The following OSBPL8 variants were observed in gnomAD, a reference collection of about 807,000 sequenced individuals.
OSBPL8 encodes oxysterol-binding protein-related protein 8.
OSBPL8 carries 59 observed loss-of-function variants against 125.5 expected under a neutral mutation model. That is an observed-to-expected ratio of 0.47 (90% CI 0.38 to 0.58). The LOEUF (loss-of-function observed/expected upper bound fraction) is 0.58. Among genes scored for constraint, OSBPL8 ranks in the 20% least tolerant of loss-of-function variants. The pLI is 0.00. For synonymous variants in OSBPL8, 330 were observed against 338.9 expected, an observed-to-expected ratio of 0.97 and a Z score of 0.29; for missense variants, 758 against 1,047.8, an observed-to-expected ratio of 0.72 and a Z score of 3.82.
chr12:76,417,456 A>C (rs975557721), intron 4 of OSBPL8, among the ~76,000 whole-genome samples: 1 of 152,138 alleles, frequency 6.6e-6, no homozygotes, highest in African/African-American at 2.4e-5. Flanking sequence ...AAGACTTTTT[A>C]TCCTATTTTG....
chr12:76,437,621 T>G (rs187087804), intron 4 of OSBPL8, among the ~76,000 whole-genome samples: 26 of 152,300 alleles, frequency 1.7e-4, no homozygotes, highest in African/African-American at 6.3e-4. Flanking sequence ...CAAGAGTATC[T>G]TGACTCTTCT....
At chr12:76,361,882 T>C (rs1952222055) in intron 21 of OSBPL8, among the ~76,000 whole-genome samples, 2 of 152,120 alleles carry the variant, frequency 1.3e-5, no homozygotes, top group Admixed American at 6.6e-5. Flanking sequence ...AAGATGAGAT[T>C]TGGATGGGAA....
chr12:76,359,682 T>C (rs57970300), intron 21 of OSBPL8, among the ~76,000 whole-genome samples: 6,605 of 152,218 alleles, frequency 0.043, 512 homozygotes, highest in African/African-American at 0.15. Context: ...TCATGGCAGA[T>C]GGCAAAAGGC....
intron 2 of OSBPL8, among the ~76,000 whole-genome samples, chr12:76,461,791 G>A (rs180841515): frequency 2.5e-3 from 379 of 152,260 alleles, no homozygotes; most frequent in Admixed American, 4.6e-3. Flanking sequence ...TATCCTGACT[G>A]CAACCACATG....
intron 4 of OSBPL8, 27 bp downstream of exon 4, chr12:76,450,824 C>T (rs896187945): frequency 1.9e-6 from 3 of 1,572,606 alleles, no homozygotes; most frequent in East Asian, 2.3e-5. Flanking sequence ...AAAAACAAGA[C>T]AAAACATGAA....
chr12:76,439,176 C>T (rs565980535), intron 4 of OSBPL8, among the ~76,000 whole-genome samples: 28 of 152,054 alleles, frequency 1.8e-4, no homozygotes, highest in African/African-American at 5.3e-4. Context: ...GTCAGGAGTT[C>T]GACACCAGCC....
chr12:76,498,461 T>C (rs1285818870), intron 1 of OSBPL8, among the ~76,000 whole-genome samples: 2 of 152,232 alleles, frequency 1.3e-5, no homozygotes, highest in East Asian at 1.9e-4. Flanking sequence ...CACACCATGT[T>C]TGCATCTGTA....
At chr12:76,493,573 T>C (rs1592784242) in intron 1 of OSBPL8, among the ~76,000 whole-genome samples, 1 of 152,194 alleles carries the variant, frequency 6.6e-6, no homozygotes, top group Non-Finnish European at 1.5e-5. Context: ...ACCTGCAAAG[T>C]TTCTGCTGAC....
intron 1 of OSBPL8, among the ~76,000 whole-genome samples, chr12:76,527,718 C>CA (rs1316406322): frequency 6.6e-6 from 1 of 152,082 alleles, no homozygotes; most frequent in Non-Finnish European, 1.5e-5. Flanking sequence ...GAAATGCCTA[C>CA]AAAAAACATT....
chr12:76,547,582 T>C (rs1336350370), intron 1 of OSBPL8, among the ~76,000 whole-genome samples: 2 of 151,818 alleles, frequency 1.3e-5, no homozygotes, highest in Non-Finnish European at 2.9e-5. Flanking sequence ...GGAAAAGCAA[T>C]GGAGGAAAAA....
chr12:76,361,933 G>A (rs1304036397), intron 21 of OSBPL8, among the ~76,000 whole-genome samples: 1 of 152,162 alleles, frequency 6.6e-6, no homozygotes, highest in East Asian at 1.9e-4. Context: ...TTCATGCTTG[G>A]AAAAACAGAG....
chr12:76,486,661 C>G (rs1202572262), intron 2 of OSBPL8, among the ~76,000 whole-genome samples: 2 of 152,164 alleles, frequency 1.3e-5, no homozygotes, highest in African/African-American at 4.8e-5. Flanking sequence ...ACTTTTCCTG[C>G]TACCCACTAC....
intron 1 of OSBPL8, among the ~76,000 whole-genome samples, chr12:76,500,739 T>C (rs928049319): frequency 6.6e-6 from 1 of 152,170 alleles, no homozygotes; most frequent in Admixed American, 6.5e-5. Context: ...TTTTCTTTTT[T>C]CTTATGACCA....
intron 3 of OSBPL8, among the ~76,000 whole-genome samples, chr12:76,455,019 G>A (rs1174874870): frequency 2.6e-5 from 4 of 151,882 alleles, no homozygotes; most frequent in African/African-American, 9.7e-5. Context: ...TGGATCACGA[G>A]GTCAGGAGAT....
chr12:76,463,551 T>G (rs1364512205), intron 2 of OSBPL8, among the ~76,000 whole-genome samples: 2 of 152,198 alleles, frequency 1.3e-5, no homozygotes, highest in Non-Finnish European at 2.9e-5. Flanking sequence ...TTATATGACC[T>G]GAATGGCTTA....
chr12:76,363,622 C>G (rs531254488), intron 21 of OSBPL8, among the ~76,000 whole-genome samples: 1 of 152,190 alleles, frequency 6.6e-6, no homozygotes, highest in South Asian at 2.1e-4. Context: ...GACTAAAACA[C>G]CAAAAGCAAT....
chr12:76,409,503 T>G (rs879751619), intron 5 of OSBPL8, among the ~76,000 whole-genome samples: 1 of 152,194 alleles, frequency 6.6e-6, no homozygotes, highest in Non-Finnish European at 1.5e-5. Context: ...ACAGAACTTA[T>G]GTTAAATAAA....
chr12:76,450,650 A>T (rs1873271778), intron 4 of OSBPL8, among the ~76,000 whole-genome samples: 1 of 151,926 alleles, frequency 6.6e-6, no homozygotes, highest in African/African-American at 2.4e-5. Context: ...GGAGAATATT[A>T]AAAAAAATTA....
intron 1 of OSBPL8, among the ~76,000 whole-genome samples, chr12:76,497,223 C>A: frequency 6.7e-6 from 1 of 148,870 alleles, no homozygotes; most frequent in Non-Finnish European, 1.5e-5. Context: ...AAGGGCCACA[C>A]AGCAAACAGA....
Sources: gnomAD v4.1 joint callset for allele counts (sites outside exome capture counted in the v4.1 genomes callset) on GRCh38, gnomAD v4.1.1 for gene constraint, MANE v1.5 for transcripts, NCBI Gene and HGNC (gene_info 2026-07-23, HGNC 2026-07-21) for gene names.